Variants in TLR6 observed in about 807,000 individuals in gnomAD.
TLR6 encodes toll-like receptor 6.
A neutral mutation model predicts 16.1 loss-of-function variants in TLR6; 9 were observed. That is an observed-to-expected ratio of 0.56 (90% CI 0.34 to 0.98). The LOEUF is 0.98. Among genes scored for constraint, TLR6 ranks in the 50% least tolerant of loss-of-function variants. The pLI is 0.02. For missense variants in TLR6, 786 were observed against 921.0 expected (o/e 0.85, Z 1.90); for synonymous variants, 340 against 338.6 (o/e 1.00, Z -0.04).
At chr4:38,858,404 G>C (rs1713074009), upstream of TLR6, among the ~76,000 whole-genome samples, 1 of 152,100 alleles carries the variant, frequency 6.6e-6, no homozygotes, top group South Asian at 2.1e-4. Context: ...AAAGATTTCA[G>C]GATATACTAT....
intron 1 of TLR6, among the ~76,000 whole-genome samples, chr4:38,840,851 A>C (rs56051980): frequency 6.6e-6 from 1 of 152,194 alleles, no homozygotes; most frequent in African/African-American, 2.4e-5. Flanking sequence ...CCAAACAAGC[A>C]GTGCCACATC....
At chr4:38,862,537 T>G in the TLR6 span, among the ~76,000 whole-genome samples, 1 of 149,162 alleles carries the variant, frequency 6.7e-6, no homozygotes, top group Admixed American at 6.7e-5. Flanking sequence ...CGCCTCAGCC[T>G]CCCAAAGTGC....
At chr4:38,847,129 GA>G (rs1712564225) in intron 1 of TLR6, among the ~76,000 whole-genome samples, 1 of 152,066 alleles carries the variant, frequency 6.6e-6, no homozygotes, top group South Asian at 2.1e-4. Context: ...CTATAAAGGT[GA>G]AAAATTCACT....
chr4:38,826,715 C>G lies in TLR6; in HGVS notation c.*368G>C, dbSNP rs55919915. 48 of 167,760 alleles carry G rather than the reference C, an allele frequency of 2.9e-4. No individual in the cohort carries two copies. The East Asian group carries it at 7.9e-3, about 28-fold the overall frequency. The allele number at this position is 167,760 out of a possible 1,614,324, so 10.4% of individuals were successfully genotyped here. On this transcript the variant is annotated 3_prime_UTR_variant, in exon 2 of 2. Coordinates refer to ENST00000436693, the Ensembl canonical transcript of TLR6. ...GACCAATATGATTCACAGGGCACTC[C>G]GAGGACTGGTGCATATGATGCTGAA...
intron 1 of TLR6, among the ~76,000 whole-genome samples, chr4:38,851,652 ATAAAATAC>A (rs1712778646): frequency 6.6e-6 from 1 of 152,190 alleles, no homozygotes; most frequent in Non-Finnish European, 1.5e-5. Context: ...TTCAAAGAGA[ATAAAATAC>A]CTAGGAATCC....
chr4:38,826,947 T>C (rs898276951), exon 2 of TLR6: 1 of 745,840 alleles, frequency 1.3e-6, no homozygotes, highest in African/African-American at 1.8e-5. Flanking sequence ...GTTCCCCAGA[T>C]GAAACATTGT....
At chr4:38,827,162 C>T (rs1727581763) in exon 2 of TLR6, 1 of 1,614,076 alleles carries the variant, frequency 6.2e-7, no homozygotes, top group Admixed American at 1.7e-5. Context: ...CCAAAAGAGC[C>T]CACGTTTGCT....
intron 1 of TLR6, among the ~76,000 whole-genome samples, chr4:38,840,233 T>C (rs1712187173): frequency 6.6e-6 from 1 of 152,248 alleles, no homozygotes; most frequent in Admixed American, 6.5e-5. Context: ...TGGCATTCCT[T>C]CTGGCTGATG....
At chr4:38,828,463 G>A in exon 2 of TLR6, 1 of 1,614,128 alleles carries the variant, frequency 6.2e-7, no homozygotes, top group Non-Finnish European at 8.5e-7. Context: ...TATCTGAAAT[G>A]GTTAACATCA....
chr4:38,849,239 G>A (rs371909828), intron 1 of TLR6, among the ~76,000 whole-genome samples: 4,720 of 152,138 alleles, frequency 0.031, 212 homozygotes, highest in African/African-American at 0.087. Context: ...GAGAGATTTT[G>A]TCACCACCAG....
the TLR6 span, among the ~76,000 whole-genome samples, chr4:38,861,895 G>T: frequency 6.6e-6 from 1 of 152,112 alleles, no homozygotes. Flanking sequence ...AAAACTATCT[G>T]CTTGCTGATG....
upstream of TLR6, among the ~76,000 whole-genome samples, chr4:38,858,611 T>A (rs555732201): frequency 6.6e-6 from 1 of 151,776 alleles, no homozygotes; most frequent in South Asian, 2.1e-4. Flanking sequence ...TCCCAGCTAC[T>A]CGGGAGGCTG....
At position 38,839,890 on chromosome 4, in the gene TLR6, C is replaced by T. The variant is rs75370578; in HGVS notation, c.-64-10353G>A. 9.2e-3 allele frequency among the ~76,000 whole-genome samples: 1,408 copies of T among 152,266 alleles called. 22 individuals carry two copies. The highest frequency in any genetic ancestry group is 0.032 in the African/African-American group (1,312 of 41,546). On this transcript the variant is annotated intron_variant, in intron 1 of 1. Coordinates refer to ENST00000436693, the Ensembl canonical transcript of TLR6. Reference sequence around the variant, plus strand: ...GCCTGAGAAACCTCCGATGGGCACTCGACAGTGGTGCCAGTGCTGAGCTAG... The same window carrying T: ...GCCTGAGAAACCTCCGATGGGCACTTGACAGTGGTGCCAGTGCTGAGCTAG...
intron 1 of TLR6, among the ~76,000 whole-genome samples, chr4:38,841,038 A>AT (rs910626550): frequency 6.7e-6 from 1 of 149,622 alleles, no homozygotes; most frequent in Non-Finnish European, 1.5e-5. Context: ...TTTCTTCTTA[A>AT]TTTTTTTTGG....
At chr4:38,866,645 G>A in the TLR6 span, among the ~76,000 whole-genome samples, 1 of 151,954 alleles carries the variant, frequency 6.6e-6, no homozygotes, top group Non-Finnish European at 1.5e-5. Context: ...GGTTTTGGTT[G>A]ATATGTATTG....
At chr4:38,829,698 G>A (rs1727737695) in intron 1 of TLR6, among the ~76,000 whole-genome samples, 161 bp from the exon 2 acceptor site, 1 of 152,192 alleles carries the variant, frequency 6.6e-6, no homozygotes, top group South Asian at 2.1e-4. Flanking sequence ...TATATAGCTT[G>A]CTCATGCCAG....
chr4:38,828,311 C>A (rs755164800), exon 2 of TLR6: 2 of 1,613,514 alleles, frequency 1.2e-6, no homozygotes, highest in Admixed American at 3.3e-5. Context: ...GTCTTTTAAT[C>A]CATTCTTTTG....
chr4:38,846,259 A>C (rs1329709271), intron 1 of TLR6, among the ~76,000 whole-genome samples: 1 of 152,200 alleles, frequency 6.6e-6, no homozygotes, highest in African/African-American at 2.4e-5. Flanking sequence ...ACCATAATAG[A>C]AAGGAGCCAA....
intron 1 of TLR6, among the ~76,000 whole-genome samples, chr4:38,839,460 C>A (rs58239725): frequency 0.17 from 26,310 of 151,916 alleles, 4,485 homozygotes; most frequent in African/African-American, 0.43. Context: ...TTCCCCACCA[C>A]CAAATATTAG....
Sources: allele counts gnomAD v4.1 joint callset (sites outside exome capture counted in the v4.1 genomes callset), GRCh38; gene constraint gnomAD v4.1.1; transcripts MANE v1.5; gene names NCBI Gene and HGNC (gene_info 2026-07-23, HGNC 2026-07-21).